The following EPHB1 variants were observed in gnomAD, a reference collection of about 807,000 sequenced individuals.
EPHB1 encodes the protein ephrin type-B receptor 1.
Under a neutral mutation model 94.4 loss-of-function variants are expected in EPHB1, and 30 were observed. That is an observed-to-expected ratio of 0.32 (90% confidence interval 0.24 to 0.43). The LOEUF (loss-of-function observed/expected upper bound fraction) is 0.43, where lower values mean the gene tolerates loss of function less well. Among genes scored for constraint, EPHB1 ranks in the 20% least tolerant of loss-of-function variants. EPHB1 has a pLI of 1.00. For missense variants in EPHB1, 1,055 were observed against 1,308.3 expected (o/e 0.81, Z 2.99); for synonymous variants, 522 against 489.1 (o/e 1.07, Z -0.89).
At chr3:134,865,174 T>A (rs757815268) in intron 1 of EPHB1, among the ~76,000 whole-genome samples, 43 of 152,182 alleles carry the variant, frequency 2.8e-4, no homozygotes, top group Non-Finnish European at 5.7e-4. Context: ...AAACAATGCT[T>A]ACCCTTTCTA....
At chr3:135,258,089 G>T (rs1225468177) in intron 15 of EPHB1, among the ~76,000 whole-genome samples, 2 of 152,144 alleles carry the variant, frequency 1.3e-5, no homozygotes, top group African/African-American at 2.4e-5. Context: ...CGCACCCACT[G>T]ACCTGCACCC....
intron 1 of EPHB1, among the ~76,000 whole-genome samples, chr3:134,811,696 A>G (rs751497784): frequency 2.0e-5 from 3 of 152,130 alleles, no homozygotes; most frequent in Non-Finnish European, 4.4e-5. Flanking sequence ...CCTCCTTGCC[A>G]GGAATCAGTT....
intron 1 of EPHB1, among the ~76,000 whole-genome samples, chr3:134,892,279 T>TCA (rs1228662828): frequency 6.6e-6 from 1 of 152,194 alleles, no homozygotes; most frequent in Non-Finnish European, 1.5e-5. Context: ...CCACTAGTTG[T>TCA]CACAGTTCTT....
chr3:134,922,527 T>A (rs2038708946), intron 1 of EPHB1, among the ~76,000 whole-genome samples: 1 of 152,226 alleles, frequency 6.6e-6, no homozygotes. Flanking sequence ...ATGACTAATA[T>A]GAAGTCTTGG....
chr3:134,800,801 A>C (rs950662132), intron 1 of EPHB1, among the ~76,000 whole-genome samples: 5 of 152,220 alleles, frequency 3.3e-5, no homozygotes, highest in African/African-American at 1.2e-4. Context: ...GATCTAATTC[A>C]CTTAATCCTT....
intron 5 of EPHB1, among the ~76,000 whole-genome samples, chr3:135,144,145 G>A (rs1476786243): frequency 1.3e-5 from 2 of 152,176 alleles, no homozygotes; most frequent in Non-Finnish European, 2.9e-5. Flanking sequence ...TGGGGAGGGA[G>A]CCCTACACTG....
At chr3:135,078,653 A>G (rs1391790911) in intron 3 of EPHB1, among the ~76,000 whole-genome samples, 1 of 152,274 alleles carries the variant, frequency 6.6e-6, no homozygotes, top group Non-Finnish European at 1.5e-5. Flanking sequence ...AGAGAGGAAG[A>G]GGGAGTATGG....
At chr3:134,994,790 T>C (rs1182339188) in intron 3 of EPHB1, among the ~76,000 whole-genome samples, 1 of 152,220 alleles carries the variant, frequency 6.6e-6, no homozygotes, top group East Asian at 1.9e-4. Context: ...TTCATTATGG[T>C]TTTCTAAAAC....
At chr3:134,812,559 T>C (rs886544144) in intron 1 of EPHB1, among the ~76,000 whole-genome samples, 1 of 152,246 alleles carries the variant, frequency 6.6e-6, no homozygotes, top group East Asian at 1.9e-4. Flanking sequence ...TAATTAAAGC[T>C]ACTGTGAATA....
In EPHB1 at chr3:135,117,682, AG is replaced by A. The variant is rs748320711; in HGVS notation, c.961+11081del. Among the ~76,000 whole-genome samples, 3 of 152,340 alleles carry A rather than the reference AG, an allele frequency of 2.0e-5. No individual in the cohort carries two copies. In the East Asian group the frequency reaches 5.8e-4, roughly 29 times the overall value. On this transcript the variant is annotated intron_variant, in intron 4 of 15. Transcript: ENST00000398015. ...CCCCCTTCCCATTCTGGAGACTAGT[AG>A]GTTGTGGCAATGGTACTAATAGGAA...
At chr3:135,115,128 A>G (rs980138617) in intron 4 of EPHB1, among the ~76,000 whole-genome samples, 1 of 152,234 alleles carries the variant, frequency 6.6e-6, no homozygotes, top group Non-Finnish European at 1.5e-5. Context: ...GTGAAGTTCC[A>G]GAAGGAGGGG....
At chr3:134,903,180 C>T (rs941565527) in intron 1 of EPHB1, among the ~76,000 whole-genome samples, 3 of 152,228 alleles carry the variant, frequency 2.0e-5, no homozygotes, top group Non-Finnish European at 2.9e-5. Flanking sequence ...TGCGGGCACT[C>T]CACTTGGAGC....
intron 3 of EPHB1, among the ~76,000 whole-genome samples, chr3:134,994,081 G>T (rs1023795847): frequency 5.3e-5 from 8 of 152,124 alleles, no homozygotes; most frequent in Non-Finnish European, 1.0e-4. Flanking sequence ...TTCTGTCATG[G>T]CACTTGTCAC....
chr3:135,180,404 G>GT (rs1249672382), intron 10 of EPHB1, among the ~76,000 whole-genome samples: 1 of 152,196 alleles, frequency 6.6e-6, no homozygotes, highest in East Asian at 1.9e-4. Flanking sequence ...CATTTCCTAT[G>GT]TACATGAATT....
chr3:135,008,693 T>C (rs764714572), intron 3 of EPHB1, among the ~76,000 whole-genome samples: 4 of 152,146 alleles, frequency 2.6e-5, no homozygotes, highest in Non-Finnish European at 4.4e-5. Context: ...GGGTGTCTCG[T>C]TGTGCTCTGA....
intron 1 of EPHB1, among the ~76,000 whole-genome samples, chr3:134,922,690 A>T (rs1264402078): frequency 6.6e-6 from 1 of 151,836 alleles, no homozygotes; most frequent in African/African-American, 2.4e-5. Context: ...GGGGTGGGGG[A>T]TGCATTATTC....
rs1942495219 is a variant in EPHB1, at chr3:135,192,810, A to C, written c.2117A>C (p.Asp706Ala). ...ITEFMENGAL[D>A]SFLRQNDGQF... ...GAGTTCATGGAGAATGGTGCATTGGATTCTTTCCTCAGGGTAAGAGCAACT... is the reference window on the plus strand; with the variant it reads ...GAGTTCATGGAGAATGGTGCATTGGCTTCTTTCCTCAGGGTAAGAGCAACT... The change falls in exon 11 of 16, where the codon GAT becomes GCT. Residue 706 changes from aspartate to alanine, a missense_variant. Coordinates refer to ENST00000398015, the MANE Select transcript of EPHB1 (RefSeq NM_004441.5). 6.2e-7 allele frequency: 1 copy of C among 1,613,740 alleles called. No homozygotes were observed. The highest frequency in any genetic ancestry group is 1.3e-5 in the African/African-American group (1 of 74,900).
chr3:135,199,707 C>T (rs1456826494), intron 11 of EPHB1, among the ~76,000 whole-genome samples: 2 of 152,166 alleles, frequency 1.3e-5, no homozygotes, highest in Non-Finnish European at 2.9e-5. Flanking sequence ...AGCATAACCC[C>T]CAGAACATGG....
intron 1 of EPHB1, among the ~76,000 whole-genome samples, chr3:134,907,812 A>C (rs1042066015): frequency 6.6e-6 from 1 of 152,188 alleles, no homozygotes; most frequent in African/African-American, 2.4e-5. Flanking sequence ...GATGTCATTG[A>C]CTGATTGCAT....
Sources: gnomAD v4.1 joint callset for allele counts (sites outside exome capture counted in the v4.1 genomes callset) on GRCh38, gnomAD v4.1.1 for gene constraint, MANE v1.5 for transcripts, NCBI Gene and HGNC (gene_info 2026-07-23, HGNC 2026-07-21) for gene names.